The following NFATC1 variants were observed in gnomAD, a reference collection of about 807,000 sequenced individuals.
NFATC1 encodes nuclear factor of activated T-cells, cytoplasmic 1.
NFATC1 carries 22 observed loss-of-function variants against 76.0 expected under a neutral mutation model. That is an observed-to-expected ratio of 0.29 (90% confidence interval 0.21 to 0.41). The LOEUF is 0.41. NFATC1 is among the 10% of genes least tolerant of loss of function. The pLI, the probability that NFATC1 is intolerant of heterozygous loss-of-function variation, is 1.00. For missense variants in NFATC1, 1,357 were observed against 1,337.7 expected (o/e 1.01, Z -0.23); for synonymous variants, 704 against 613.1 (o/e 1.15, Z -2.19).
chr18:79,453,969 C>T (rs957897375), intron 6 of NFATC1, among the ~76,000 whole-genome samples: 1 of 152,240 alleles, frequency 6.6e-6, no homozygotes, highest in Non-Finnish European at 1.5e-5. Context: ...GCCCCACATC[C>T]TCATCCTGGC....
At chr18:79,416,710 C>T (rs556373120) in intron 2 of NFATC1, among the ~76,000 whole-genome samples, 1 of 152,358 alleles carries the variant, frequency 6.6e-6, no homozygotes, top group South Asian at 2.1e-4. Flanking sequence ...ACTGCCACTG[C>T]GTCTCCCTGT....
intron 8 of NFATC1, chr18:79,467,933 G>A (rs1172029337): frequency 1.9e-5 from 20 of 1,076,038 alleles, no homozygotes; most frequent in African/African-American, 6.8e-5. Flanking sequence ...AGCTGCTTAC[G>A]GTGAAAAGGC....
chr18:79,435,467 G>A (rs1436447891), intron 3 of NFATC1, among the ~76,000 whole-genome samples: 1 of 151,824 alleles, frequency 6.6e-6, no homozygotes, highest in African/African-American at 2.4e-5. Flanking sequence ...TCCTGCCTCA[G>A]CCTCCCGAGT....
At position 79,420,120 on chromosome 18, in the gene NFATC1, C is replaced by G. The variant is rs112986786; in HGVS notation, c.1226+8619C>G. On this transcript the variant is annotated intron_variant, in intron 2 of 9. Transcript: ENST00000427363. ...ATGTGGCCTGCATGCTGCGTTCCAT[C>G]AGCACTGGGCTGTGCGACAGATGTG... 4.3e-3 allele frequency among the ~76,000 whole-genome samples: 653 copies of G among 152,286 alleles called. 6 individuals are homozygous for G. The highest frequency in any genetic ancestry group is 0.015 in the African/African-American group (630 of 41,542).
chr18:79,461,492 A>AGG, intron 7 of NFATC1, 126 bp downstream of exon 7: 1 of 607,284 alleles, frequency 1.6e-6, no homozygotes, highest in Non-Finnish European at 2.5e-6. Context: ...AGAATGAAAC[A>AGG]AATAAAAATA....
At chr18:79,492,655 G>A (rs928513740) in intron 9 of NFATC1, among the ~76,000 whole-genome samples, 22 of 151,364 alleles carry the variant, frequency 1.5e-4, no homozygotes, top group African/African-American at 5.3e-4. Context: ...CTTGCAGAGA[G>A]CTGAGATCGC....
At chr18:79,496,463 A>G (rs552661221) in intron 9 of NFATC1, 1 of 152,394 alleles carries the variant, frequency 6.6e-6, no homozygotes, top group Admixed American at 6.5e-5. Flanking sequence ...TCAGACAGCC[A>G]TGTTCTTGCC....
At chr18:79,481,091 C>A (rs2089255887) in intron 8 of NFATC1, among the ~76,000 whole-genome samples, 1 of 152,256 alleles carries the variant, frequency 6.6e-6, no homozygotes, top group African/African-American at 2.4e-5. Flanking sequence ...GACCCCTGCA[C>A]CTCTCAAAGG....
intron 3 of NFATC1, among the ~76,000 whole-genome samples, chr18:79,443,546 C>T (rs1049261423): frequency 6.6e-6 from 1 of 152,346 alleles, no homozygotes; most frequent in Admixed American, 6.5e-5. Context: ...AGTCGGCGCC[C>T]GTGCATTCAC....
rs956448267 is a variant in NFATC1 at position 79,422,938 on chromosome 18, G to T, written c.1227-10641G>T. ...GGCGAGGGCTGGGGGCTGCCTCGGG[G>T]GCGGGGGTTCAGGGTCTTGAGCTCA... On this transcript the variant is annotated intron_variant, in intron 2 of 9. Coordinates refer to ENST00000427363, the MANE Select transcript of NFATC1 (RefSeq NM_001278669.2). 2.6e-5 allele frequency among the ~76,000 whole-genome samples: 4 copies of T among 151,940 alleles called. No individual in the cohort carries two copies. In the East Asian group the frequency reaches 7.7e-4, roughly 29 times the overall value.
chr18:79,494,810 C>T (rs1326605977), intron 9 of NFATC1, among the ~76,000 whole-genome samples: 5 of 98,690 alleles, frequency 5.1e-5, no homozygotes, highest in African/African-American at 1.6e-4. Context: ...CTGGTACCGC[C>T]GGGGGAAGGC....
Position 79,435,580 on chromosome 18 carries a change from T to C in NFATC1, c.1386+1842T>C, listed in dbSNP as rs1424028909. 2.0e-5 allele frequency among the ~76,000 whole-genome samples: 3 copies of C among 152,082 alleles called. 1 individual carries two copies. In the East Asian group the frequency reaches 5.8e-4, roughly 29 times the overall value. ...GCCCGTCTCTGCGGACACAGCTCAG[T>C]GCTTGGGTACTCTCCCTGCGTCTTC... On this transcript the variant is annotated intron_variant, in intron 3 of 9. Transcript: ENST00000427363.
At chr18:79,439,796 C>A (rs533862663) in intron 3 of NFATC1, among the ~76,000 whole-genome samples, 1 of 152,310 alleles carries the variant, frequency 6.6e-6, no homozygotes, top group South Asian at 2.1e-4. Flanking sequence ...GCAAAGCCCA[C>A]GGGCTCTGTT....
intron 9 of NFATC1, among the ~76,000 whole-genome samples, chr18:79,515,389 G>T (rs971099577): frequency 1.3e-5 from 2 of 151,176 alleles, no homozygotes; most frequent in African/African-American, 4.9e-5. Context: ...TCCCACAGGA[G>T]TGGTGGTCTC....
intron 2 of NFATC1, among the ~76,000 whole-genome samples, chr18:79,411,933 C>T (rs2085704413): frequency 6.6e-6 from 1 of 152,190 alleles, no homozygotes; most frequent in Non-Finnish European, 1.5e-5. Context: ...CGTGCCTGGC[C>T]CCCCTCGGTG....
intron 7 of NFATC1, 117 bp downstream of exon 7, chr18:79,461,483 G>A: frequency 3.1e-6 from 2 of 647,620 alleles, no homozygotes; most frequent in Non-Finnish European, 4.5e-6. Context: ...CTGTTTCTTA[G>A]AATGAAACAA....
intron 6 of NFATC1, among the ~76,000 whole-genome samples, chr18:79,458,188 C>T (rs1156724559): frequency 1.3e-5 from 2 of 152,210 alleles, no homozygotes; most frequent in African/African-American, 4.8e-5. Flanking sequence ...TCCAGAATCT[C>T]CTCTGGGAGC....
At chr18:79,400,129 G>A in intron 1 of NFATC1, 1 of 937,200 alleles carries the variant, frequency 1.1e-6, no homozygotes, top group Non-Finnish European at 1.3e-6. Flanking sequence ...CTGCGGTCGC[G>A]CGCGCGCGAG....
At chr18:79,437,993 G>A (rs1015994297) in intron 3 of NFATC1, among the ~76,000 whole-genome samples, 6 of 152,226 alleles carry the variant, frequency 3.9e-5, no homozygotes, top group African/African-American at 7.2e-5. Context: ...CAGCCATTGA[G>A]GCCTTTTCGT....
Sources: gnomAD v4.1 joint callset for allele counts (sites outside exome capture counted in the v4.1 genomes callset) on GRCh38, gnomAD v4.1.1 for gene constraint, MANE v1.5 for transcripts, NCBI Gene and HGNC (gene_info 2026-07-23, HGNC 2026-07-21) for gene names.